Variants in NTRK2 observed in about 807,000 individuals in gnomAD.
NTRK2 encodes neurotrophic receptor tyrosine kinase 2.
In NTRK2, 13 loss-of-function variants were observed where a neutral mutation model predicts 94.5. That is an observed-to-expected ratio of 0.14 (90% CI 0.09 to 0.22). The LOEUF (loss-of-function observed/expected upper bound fraction) is 0.22, where lower values mean the gene tolerates loss of function less well. NTRK2 is among the 10% of genes least tolerant of loss of function. NTRK2 has a pLI of 1.00. For missense variants in NTRK2, 639 were observed against 1,071.2 expected (o/e 0.60, Z 5.63); for synonymous variants, 372 against 407.4 (o/e 0.91, Z 1.05).
At chr9:85,008,897 T>C (rs1442336773) in intron 17 of NTRK2, among the ~76,000 whole-genome samples, 1 of 152,236 alleles carries the variant, frequency 6.6e-6, no homozygotes, top group East Asian at 1.9e-4. Flanking sequence ...CATAGGGCTG[T>C]TCTCCAAGGG....
intron 12 of NTRK2, among the ~76,000 whole-genome samples, chr9:84,799,871 A>C (rs2070180980): frequency 6.6e-6 from 1 of 152,226 alleles, no homozygotes; most frequent in South Asian, 2.1e-4. Flanking sequence ...ATAAACATCT[A>C]AACCATGATA....
chr9:84,764,811 T>A (rs955727914), intron 12 of NTRK2, among the ~76,000 whole-genome samples: 2 of 152,162 alleles, frequency 1.3e-5, no homozygotes, highest in Non-Finnish European at 2.9e-5. Flanking sequence ...AAGCAACTTG[T>A]GTCCATCAGC....
At chr9:84,895,690 G>A (rs1164306589) in intron 14 of NTRK2, among the ~76,000 whole-genome samples, 1 of 152,230 alleles carries the variant, frequency 6.6e-6, no homozygotes, top group African/African-American at 2.4e-5. Flanking sequence ...TGGGGAGTGT[G>A]AGCAAATCGA....
chr9:84,857,174 A>G (rs1393946491), intron 12 of NTRK2, among the ~76,000 whole-genome samples: 11 of 151,422 alleles, frequency 7.3e-5, no homozygotes, highest in Admixed American at 7.2e-4. Context: ...TTTACATGCT[A>G]TTTTTTCCTA....
chr9:85,018,920 G>C (rs929545787), intron 17 of NTRK2, among the ~76,000 whole-genome samples: 4 of 152,152 alleles, frequency 2.6e-5, no homozygotes, highest in African/African-American at 9.7e-5. Flanking sequence ...GAATAGTAGA[G>C]ATGGGTCACC....
intron 17 of NTRK2, among the ~76,000 whole-genome samples, chr9:85,003,921 C>T (rs947542684): frequency 4.8e-5 from 7 of 146,494 alleles, no homozygotes; most frequent in African/African-American, 1.0e-4. Context: ...GATGACTTCT[C>T]GGGATTTATC....
At chr9:84,871,150 G>T (rs1291435555) in intron 14 of NTRK2, among the ~76,000 whole-genome samples, 1 of 152,126 alleles carries the variant, frequency 6.6e-6, no homozygotes, top group Non-Finnish European at 1.5e-5. Flanking sequence ...ATAATGCAAT[G>T]TGATAGACAT....
At chr9:84,900,076 G>A (rs565854699) in intron 14 of NTRK2, among the ~76,000 whole-genome samples, 123 of 152,302 alleles carry the variant, frequency 8.1e-4, no homozygotes, top group African/African-American at 2.9e-3. Flanking sequence ...CATGGCATAG[G>A]TCTATCCTTC....
At chr9:84,777,786 C>T (rs965045791) in intron 12 of NTRK2, among the ~76,000 whole-genome samples, 6 of 152,166 alleles carry the variant, frequency 3.9e-5, no homozygotes, top group Admixed American at 3.3e-4. Context: ...AGCAATTTTT[C>T]GACAGTAAAG....
chr9:84,758,680 C>T lies in NTRK2; in HGVS notation c.1396+6595C>T, dbSNP rs188988340. Among the ~76,000 whole-genome samples, 370 of 152,268 alleles carry T rather than the reference C, an allele frequency of 2.4e-3. 3 individuals are homozygous for T. Among genetic ancestry groups the T allele is most frequent in the African/African-American group, 8.5e-3 (354 of 41,548 alleles). Reference sequence around the variant, plus strand: ...TGTTTGGATTATAGGCGTGAGCCACCGCACCCGGCCTTTTTGTAATTATTT... The same window carrying T: ...TGTTTGGATTATAGGCGTGAGCCACTGCACCCGGCCTTTTTGTAATTATTT... On this transcript the variant is annotated intron_variant, in intron 12 of 18. Coordinates refer to ENST00000277120, the MANE Select transcript of NTRK2 (RefSeq NM_006180.6).
chr9:84,680,938 T>C (rs1007365726), intron 2 of NTRK2, among the ~76,000 whole-genome samples: 2 of 152,178 alleles, frequency 1.3e-5, no homozygotes, highest in Non-Finnish European at 2.9e-5. Context: ...TCACCACACT[T>C]TTCTTGTTTT....
intron 14 of NTRK2, among the ~76,000 whole-genome samples, chr9:84,871,328 G>A (rs2075858270): frequency 6.6e-6 from 1 of 152,108 alleles, no homozygotes; most frequent in Non-Finnish European, 1.5e-5. Flanking sequence ...GAGAAAACAG[G>A]TGTTTATTAT....
intron 14 of NTRK2, among the ~76,000 whole-genome samples, chr9:84,887,150 A>G (rs1188947738): frequency 6.6e-6 from 1 of 152,194 alleles, no homozygotes; most frequent in Admixed American, 6.5e-5. Flanking sequence ...AAAGAAATCA[A>G]TGATTTGTGG....
chr9:84,674,552 C>T (rs997795255), intron 2 of NTRK2, among the ~76,000 whole-genome samples: 2 of 152,186 alleles, frequency 1.3e-5, no homozygotes, highest in Non-Finnish European at 2.9e-5. Context: ...TTCTCAGCCC[C>T]TCCATTGGGG....
chr9:84,774,959 C>T (rs2066893863), intron 12 of NTRK2, among the ~76,000 whole-genome samples: 1 of 152,166 alleles, frequency 6.6e-6, no homozygotes, highest in Admixed American at 6.5e-5. Flanking sequence ...ACAGGAGGTA[C>T]TCAAATATTT....
intron 9 of NTRK2, 76 bp downstream of exon 9, chr9:84,728,035 A>G (rs1013643810): frequency 2.2e-6 from 3 of 1,372,430 alleles, no homozygotes; most frequent in African/African-American, 1.4e-5. Context: ...CATGTATACA[A>G]TAAGCCATCC....
intron 2 of NTRK2, among the ~76,000 whole-genome samples, chr9:84,684,043 GT>G (rs35529520): frequency 1.4e-4 from 21 of 151,042 alleles, no homozygotes; most frequent in African/African-American, 3.9e-4. Flanking sequence ...TTTTTTATGG[GT>G]TTTTTTTTCT....
At position 84,727,802 on chromosome 9, in the gene NTRK2, A is replaced by C. The variant is rs1226947953; in HGVS notation, c.1002A>C (p.Ile334=). 6.2e-7 allele frequency: 1 copy of C among 1,614,178 alleles called. No individual in the cohort carries two copies. Among genetic ancestry groups the C allele is most frequent in the Admixed American group, 1.7e-5 (1 of 60,012 alleles). Residue 334 remains isoleucine (I), a synonymous_variant, in exon 9 of 19, where the codon ATA becomes ATC. Coordinates refer to ENST00000277120, the MANE Select transcript of NTRK2 (RefSeq NM_006180.6). ...LNESKYICTK[I]HVTNHTEYHG... is the part of the protein sequence containing the mutation. ...AGTCCAAATACATCTGTACTAAAAT[A>C]CATGTTACCAATCACACGGAGTACC...
chr9:84,711,768 C>T lies in NTRK2; in HGVS notation c.583+977C>T, dbSNP rs565765198. Among the ~76,000 whole-genome samples, 15 of 152,010 alleles carry T rather than the reference C, an allele frequency of 9.9e-5. 1 individual carries two copies. The highest frequency in any genetic ancestry group is 8.5e-4 in the Admixed American group (13 of 15,266). ...CTGCTGCACACGCTTTGTAGGAATG[C>T]GATAAAAATAAAGATATGAGTCTGT... On this transcript the variant is annotated intron_variant, in intron 6 of 18. Coordinates refer to ENST00000277120, the MANE Select transcript of NTRK2 (RefSeq NM_006180.6).
Sources: gnomAD v4.1 joint callset for allele counts (sites outside exome capture counted in the v4.1 genomes callset) on GRCh38, gnomAD v4.1.1 for gene constraint, MANE v1.5 for transcripts, NCBI Gene and HGNC (gene_info 2026-07-23, HGNC 2026-07-21) for gene names.